SSBP2: variants seen among roughly 807,000 people sequenced by gnomAD.
SSBP2 encodes the protein single stranded DNA binding protein 2, also known as single-stranded DNA-binding protein 2.
A neutral mutation model predicts 61.8 loss-of-function variants in SSBP2; 17 were observed. The ratio of observed to expected loss-of-function variants is 0.28; its 90% CI spans 0.19 to 0.41. The LOEUF is 0.41. Ranked by LOEUF, SSBP2 falls within the 10% of genes least tolerant of loss-of-function variation. The probability of loss-of-function intolerance (pLI) is 1.00; values close to 1 mark genes in which losing one functional copy is unlikely to be tolerated. For missense variants in SSBP2, 310 were observed against 458.7 expected, an observed-to-expected ratio of 0.68 and a Z score of 2.96; for synonymous variants, 139 against 141.3, an observed-to-expected ratio of 0.98 and a Z score of 0.12.
In SSBP2 at chr5:81,727,077, T is replaced by C. The variant is rs964856781; in HGVS notation, c.62+23904A>G. Reference sequence around the variant, plus strand: ...AGCATTAATTTAGGAAGCGGCAAAATAGAGTGAAAATAGTGCCGACTTTAG... The same window carrying C: ...AGCATTAATTTAGGAAGCGGCAAAACAGAGTGAAAATAGTGCCGACTTTAG... On this transcript the variant is annotated intron_variant, in intron 1 of 16. Coordinates refer to ENST00000320672, the MANE Select transcript of SSBP2 (RefSeq NM_012446.5). Among the ~76,000 whole-genome samples the C allele has an allele frequency of 9.2e-5, 14 of 152,262 alleles. No individual in the cohort carries two copies. In the East Asian group the frequency reaches 1.5e-3, roughly 17 times the overall value.
chr5:81,462,695 C>T (rs1764621599), intron 9 of SSBP2, among the ~76,000 whole-genome samples: 1 of 152,106 alleles, frequency 6.6e-6, no homozygotes, highest in Non-Finnish European at 1.5e-5. Context: ...TAAGGTAAAA[C>T]ATAAGATATG....
At chr5:81,461,869 A>C (rs7737895) in intron 9 of SSBP2, among the ~76,000 whole-genome samples, 48,631 of 152,058 alleles carry the variant, frequency 0.32, 8,560 homozygotes, top group African/African-American at 0.46. Flanking sequence ...TTAAATCAAA[A>C]AGGTCTCTTG....
rs903066911 is a variant in SSBP2 at position 81,417,981 on chromosome 5, G to A, written c.*2523C>T. On this transcript the variant is annotated 3_prime_UTR_variant, in exon 17 of 17. Coordinates refer to ENST00000320672, the MANE Select transcript of SSBP2 (RefSeq NM_012446.5). ...TCGTATTACCCCCAAAATAAGGGTA[G>A]ATAAAATCATATTCATCATTCTTTG... The A allele has an allele frequency of 6.6e-6, 1 of 152,030 alleles. No homozygotes were observed. The highest frequency in any genetic ancestry group is 6.6e-5 in the Admixed American group (1 of 15,252). 9.4% of individuals were successfully genotyped at this position (152,030 alleles called of 1,614,324 possible). A position where few individuals can be genotyped will look rare whatever the true frequency, so the allele number is the denominator to read the frequency against.
At chr5:81,634,390 T>A (rs1748006304) in intron 3 of SSBP2, among the ~76,000 whole-genome samples, 1 of 152,166 alleles carries the variant, frequency 6.6e-6, no homozygotes, top group Non-Finnish European at 1.5e-5. Context: ...CCAATGTATT[T>A]CTTAAATGTA....
rs748238599 is a variant in SSBP2 at position 81,496,175 on chromosome 5, A to G, written c.373-6866T>C. Reference sequence around the variant, plus strand: ...GTAGCTTCCAAATTTGAAAACCTAGAAGTTTTAAAACTTTTTTTTTTTGAG... The same window carrying G: ...GTAGCTTCCAAATTTGAAAACCTAGGAGTTTTAAAACTTTTTTTTTTTGAG... On this transcript the variant is annotated intron_variant, in intron 5 of 16. Coordinates refer to ENST00000320672, the MANE Select transcript of SSBP2 (RefSeq NM_012446.5). Among the ~76,000 whole-genome samples the G allele has an allele frequency of 5.9e-5, 9 of 152,192 alleles. No homozygotes were observed. In the South Asian group the frequency reaches 6.2e-4, roughly 11 times the overall value.
chr5:81,599,524 A>C (rs911423906), intron 4 of SSBP2, among the ~76,000 whole-genome samples: 1 of 152,230 alleles, frequency 6.6e-6, no homozygotes, highest in African/African-American at 2.4e-5. Flanking sequence ...GATCCTAGAG[A>C]GAAAGAGGGA....
intron 4 of SSBP2, among the ~76,000 whole-genome samples, chr5:81,571,622 G>A (rs1415988784): frequency 6.6e-6 from 1 of 152,108 alleles, no homozygotes; most frequent in Non-Finnish European, 1.5e-5. Context: ...TTTTATTTAT[G>A]TAACTGGCTA....
intron 4 of SSBP2, 48 bp downstream of exon 4, chr5:81,615,425 A>T: frequency 7.3e-7 from 1 of 1,369,418 alleles, no homozygotes; most frequent in Non-Finnish European, 1.0e-6. Context: ...AGCAGTGGTT[A>T]AACAGAAAAC....
At chr5:81,513,980 A>T (rs997818477) in intron 4 of SSBP2, among the ~76,000 whole-genome samples, 1 of 152,214 alleles carries the variant, frequency 6.6e-6, no homozygotes, top group Non-Finnish European at 1.5e-5. Context: ...TAGTAAATGC[A>T]AATAGTACTA....
At chr5:81,727,008 G>C (rs1488996310) in intron 1 of SSBP2, among the ~76,000 whole-genome samples, 2 of 152,092 alleles carry the variant, frequency 1.3e-5, no homozygotes, top group Non-Finnish European at 2.9e-5. Flanking sequence ...AGCGTCATTG[G>C]GAAAGGAAAG....
At chr5:81,543,964 C>A (rs748800625) in intron 4 of SSBP2, among the ~76,000 whole-genome samples, 20 of 152,118 alleles carry the variant, frequency 1.3e-4, no homozygotes, top group Non-Finnish European at 2.8e-4. Flanking sequence ...AAACAATAAT[C>A]TACTTATATG....
chr5:81,442,804 T>G, intron 12 of SSBP2, 81 bp from the exon 13 acceptor site: 4 of 701,754 alleles, frequency 5.7e-6, no homozygotes, highest in Non-Finnish European at 9.5e-6. Flanking sequence ...CAAAGATGGT[T>G]TGCATACAGA....
intron 6 of SSBP2, among the ~76,000 whole-genome samples, chr5:81,488,209 T>C (rs1766580976): frequency 6.6e-6 from 1 of 151,420 alleles, no homozygotes; most frequent in East Asian, 2.0e-4. Flanking sequence ...TTCAAGATAC[T>C]GATTTCATTT....
chr5:81,508,605 A>G (rs1180155145), intron 5 of SSBP2, among the ~76,000 whole-genome samples: 3 of 152,178 alleles, frequency 2.0e-5, no homozygotes, highest in Non-Finnish European at 2.9e-5. Flanking sequence ...GTACCAAGTT[A>G]TATCATAATT....
intron 1 of SSBP2, among the ~76,000 whole-genome samples, chr5:81,674,601 ATTCC>A (rs1404857454): frequency 6.6e-5 from 10 of 152,230 alleles, no homozygotes; most frequent in African/African-American, 2.4e-4. Flanking sequence ...AAACATATTT[ATTCC>A]TTCCTAATTC....
intron 6 of SSBP2, among the ~76,000 whole-genome samples, chr5:81,476,300 G>A (rs1765587644): frequency 6.6e-6 from 1 of 152,072 alleles, no homozygotes; most frequent in African/African-American, 2.4e-5. Flanking sequence ...TTTGCCATTT[G>A]TCTCAATAAT....
At chr5:81,716,360 A>C (rs1489302369) in intron 1 of SSBP2, among the ~76,000 whole-genome samples, 1 of 152,210 alleles carries the variant, frequency 6.6e-6, no homozygotes, top group Non-Finnish European at 1.5e-5. Context: ...AACACTGATA[A>C]AATGTGTACA....
intron 1 of SSBP2, among the ~76,000 whole-genome samples, chr5:81,731,534 G>C (rs1450057765): frequency 6.6e-6 from 1 of 152,084 alleles, no homozygotes; most frequent in East Asian, 1.9e-4. Context: ...TGTTCCAGTA[G>C]CCATTTCAGT....
chr5:81,487,559 A>G (rs1338770446), intron 6 of SSBP2, among the ~76,000 whole-genome samples: 1 of 152,086 alleles, frequency 6.6e-6, no homozygotes, highest in Admixed American at 6.6e-5. Flanking sequence ...AAAGTAAACA[A>G]AAGTATGTTC....
Sources: gnomAD v4.1 joint callset for allele counts (sites outside exome capture counted in the v4.1 genomes callset) on GRCh38, gnomAD v4.1.1 for gene constraint, MANE v1.5 for transcripts, NCBI Gene and HGNC (gene_info 2026-07-23, HGNC 2026-07-21) for gene names.